Variants in TLL2 observed in about 807,000 individuals in gnomAD.
TLL2 encodes the protein tolloid-like protein 2.
TLL2 carries 106 observed loss-of-function variants against 123.0 expected under a neutral mutation model. The observed-to-expected ratio is 0.86, with a 90% confidence interval of 0.74 to 1.01. TLL2 has a LOEUF of 1.01. Among genes scored for constraint, TLL2 ranks in the 50% least tolerant of loss-of-function variants. TLL2 has a pLI of 0.00. For missense variants in TLL2, 1,332 were observed against 1,336.7 expected (o/e 1.00, Z 0.06); for synonymous variants, 494 against 516.8 (o/e 0.96, Z 0.60).
chr10:96,367,200 G>C lies in TLL2; in HGVS notation c.*888C>G, dbSNP rs888120516. The C allele has an allele frequency of 6.6e-6, 1 of 152,260 alleles. No individual in the cohort carries two copies. Among genetic ancestry groups the C allele is most frequent in the Non-Finnish European group, 1.5e-5 (1 of 68,048 alleles). The allele number at this position is 152,260 out of a possible 1,614,324, so 9.4% of individuals were successfully genotyped here. On this transcript the variant is annotated 3_prime_UTR_variant, in exon 21 of 21. Coordinates refer to ENST00000357947, the MANE Select transcript of TLL2 (RefSeq NM_012465.4). ...TTTGCAAATGCAGTTTGAATTGGAT[G>C]TCAAGGAGTCCAGGTGTGCCACGGC...
chr10:96,447,146 G>A (rs974910320), intron 2 of TLL2, among the ~76,000 whole-genome samples: 2 of 152,192 alleles, frequency 1.3e-5, no homozygotes, highest in African/African-American at 4.8e-5. Flanking sequence ...CTGGCCAGAG[G>A]ATCCTCCGCA....
chr10:96,494,692 C>T (rs1281262900), intron 1 of TLL2, among the ~76,000 whole-genome samples: 2 of 152,220 alleles, frequency 1.3e-5, no homozygotes, highest in African/African-American at 2.4e-5. Flanking sequence ...GGGGAAGAGA[C>T]GAGGTCTGCA....
In TLL2 at chr10:96,428,615, G is replaced by A. The variant is rs761770586; in HGVS notation, c.638+16C>T. 37 of 1,565,464 alleles carry A rather than the reference G, an allele frequency of 2.4e-5. No individual in the cohort carries two copies. The Admixed American group carries it at 3.5e-4, about 15-fold the overall frequency. On this transcript the variant is annotated intron_variant, in intron 5 of 20. Transcript: ENST00000357947. ...CGACTGATTCTGCAGAGGTGGCCTCGCTTTCGTTTACTTACCCACAGGTTC... is the reference window on the plus strand; with the variant it reads ...CGACTGATTCTGCAGAGGTGGCCTCACTTTCGTTTACTTACCCACAGGTTC...
At chr10:96,383,321 G>T (rs1190528479) in intron 16 of TLL2, among the ~76,000 whole-genome samples, 3 of 152,184 alleles carry the variant, frequency 2.0e-5, no homozygotes, top group African/African-American at 7.2e-5. Context: ...ATATGGTTTG[G>T]CAGTGTCCCT....
intron 13 of TLL2, among the ~76,000 whole-genome samples, chr10:96,390,801 C>T (rs1014948296): frequency 2.0e-5 from 3 of 152,202 alleles, no homozygotes; most frequent in Non-Finnish European, 4.4e-5. Context: ...ACGGCAGCCC[C>T]CAGCCACATG....
chr10:96,477,714 A>G (rs1327646335), intron 2 of TLL2, among the ~76,000 whole-genome samples: 1 of 152,234 alleles, frequency 6.6e-6, no homozygotes, highest in Non-Finnish European at 1.5e-5. Flanking sequence ...TGACAGATGA[A>G]GAAACTGAGG....
In TLL2 at chr10:96,367,826, C is replaced by G; in HGVS notation, c.*262G>C. 1 of 398,912 alleles carries G rather than the reference C, an allele frequency of 2.5e-6. No homozygotes were observed. The highest frequency in any genetic ancestry group is 4.6e-6 in the Non-Finnish European group (1 of 217,210). The allele number at this position is 398,912 out of a possible 1,614,324, so 24.7% of individuals were successfully genotyped here. On this transcript the variant is annotated 3_prime_UTR_variant, in exon 21 of 21. Coordinates refer to ENST00000357947, the MANE Select transcript of TLL2 (RefSeq NM_012465.4). ...GAAGCATAGCCGGAATGGTCAGTGA[C>G]TTCAATCCTAATCTTTAACACTTTA...
chr10:96,480,477 A>G lies in TLL2; in HGVS notation c.176-18T>C, dbSNP rs758706963. 5 of 1,589,654 alleles carry G rather than the reference A, an allele frequency of 3.1e-6. No homozygotes were observed. In the Admixed American group the frequency reaches 8.3e-5, roughly 26 times the overall value. On this transcript the variant is annotated intron_variant, in intron 1 of 20. Coordinates refer to ENST00000357947, the MANE Select transcript of TLL2 (RefSeq NM_012465.4). ...AAAGACAGCTGGGAAGGAAACACATAAGTGGGTGAATTTATGCTAGAAGTC... is the reference window on the plus strand; with the variant it reads ...AAAGACAGCTGGGAAGGAAACACATGAGTGGGTGAATTTATGCTAGAAGTC...
At chr10:96,389,376 A>G (rs1276195814) in intron 13 of TLL2, among the ~76,000 whole-genome samples, 1 of 152,224 alleles carries the variant, frequency 6.6e-6, no homozygotes, top group East Asian at 1.9e-4. Flanking sequence ...CAGTGAGTAG[A>G]GAGGCACAAT....
intron 3 of TLL2, among the ~76,000 whole-genome samples, chr10:96,435,024 C>CT (rs148764221): frequency 0.045 from 6,565 of 144,856 alleles, 471 homozygotes; most frequent in African/African-American, 0.15. Flanking sequence ...TATTCATTTC[C>CT]TTTTTTTTTT....
chr10:96,513,445 TG>T lies in TLL2; in HGVS notation c.175+65del, dbSNP rs201949422. 6,062 of 1,599,510 alleles carry T rather than the reference TG, an allele frequency of 3.8e-3. 228 individuals carry two copies. In the African/African-American group the frequency reaches 0.072, roughly 19 times the overall value. ...CGCCCCATAGACGGTAGTGCAGGCT[TG>T]CCCACCACCTCATTTGCATTTCAAA... On this transcript the variant is annotated intron_variant, in intron 1 of 20. Transcript: ENST00000357947.
intron 1 of TLL2, among the ~76,000 whole-genome samples, chr10:96,489,178 A>T (rs7072595): frequency 0.34 from 52,154 of 152,088 alleles, 9,275 homozygotes; most frequent in Middle Eastern, 0.5. Context: ...GCAGGAGAGA[A>T]ACCAGGAGTT....
At chr10:96,429,683 A>T (rs914734757) in intron 4 of TLL2, among the ~76,000 whole-genome samples, 2 of 152,138 alleles carry the variant, frequency 1.3e-5, no homozygotes, top group African/African-American at 2.4e-5. Flanking sequence ...TTTCTTTTAG[A>T]CCTGTAGGGG....
chr10:96,492,253 T>G (rs1196654045), intron 1 of TLL2, among the ~76,000 whole-genome samples: 8 of 143,212 alleles, frequency 5.6e-5, no homozygotes, highest in East Asian at 2.0e-4. Context: ...ATGAGGGAGG[T>G]AGGAATTGGC....
intron 15 of TLL2, among the ~76,000 whole-genome samples, 190 bp downstream of exon 15, chr10:96,385,865 A>C (rs1250375602): frequency 6.6e-6 from 1 of 152,130 alleles, no homozygotes. Context: ...GAGGTGCTCT[A>C]TCTGCAGAGG....
Position 96,378,998 on chromosome 10 carries a change from C to G in TLL2, c.2289G>C (p.Trp763Cys), listed in dbSNP as rs762167577. The change falls in exon 17 of 21, where the codon TGG becomes TGC. Residue 763 changes from tryptophan to cysteine, a missense_variant. Transcript: ENST00000357947. ...SYLCRCRNGY[W>C]LHENGHDCKE... Reference sequence around the variant, plus strand: ...TGCAGTCATGCCCATTCTCGTGGAGCCAGTAGCCGTTTCTGCACCTGCACA... The same window carrying G: ...TGCAGTCATGCCCATTCTCGTGGAGGCAGTAGCCGTTTCTGCACCTGCACA... 1.2e-6 allele frequency: 2 copies of G among 1,614,218 alleles called. No individual in the cohort carries two copies. Among genetic ancestry groups the G allele is most frequent in the East Asian group, 4.5e-5 (2 of 44,890 alleles).
rs950181083 is a variant in TLL2 at position 96,384,657 on chromosome 10, G to T, written c.2124C>A (p.Asn708Lys). 6.2e-7 allele frequency: 1 copy of T among 1,612,946 alleles called. No homozygotes were observed. Among genetic ancestry groups the T allele is most frequent in the African/African-American group, 1.3e-5 (1 of 75,012 alleles). The change falls in exon 16 of 21, where the codon AAC becomes AAA. Residue 708 changes from asparagine to lysine, a missense_variant. Coordinates refer to ENST00000357947, the MANE Select transcript of TLL2 (RefSeq NM_012465.4). ...ETPEVITSQS[N>K]NMRVEFKSDN... ...CGGACTTGAACTCCACGCGCATGTT[G>T]TTGCTCTGCGAGGTGATGACCTCCG...
intron 2 of TLL2, among the ~76,000 whole-genome samples, chr10:96,471,578 G>T (rs1479614646): frequency 6.6e-6 from 1 of 152,198 alleles, no homozygotes; most frequent in Non-Finnish European, 1.5e-5. Flanking sequence ...ATTATTTTTG[G>T]TGTCAGACGC....
At position 96,426,077 on chromosome 10, in the gene TLL2, C is replaced by CTT. The variant is rs1385011760; in HGVS notation, c.638+2552_638+2553dup. Among the ~76,000 whole-genome samples the CTT allele has an allele frequency of 3.3e-5, 5 of 151,950 alleles. No individual in the cohort carries two copies. In the East Asian group the frequency reaches 9.6e-4, roughly 29 times the overall value. ...ATCTATTTCTGTGCTACCTTGGTTACTTTTTTAAAACAAAAACTGCATGTT... is the reference window on the plus strand; with the variant it reads ...ATCTATTTCTGTGCTACCTTGGTTACTTTTTTTTAAAACAAAAACTGCATGTT... On this transcript the variant is annotated intron_variant, in intron 5 of 20. Transcript: ENST00000357947.
Sources: gnomAD v4.1 joint callset for allele counts (sites outside exome capture counted in the v4.1 genomes callset) on GRCh38, gnomAD v4.1.1 for gene constraint, MANE v1.5 for transcripts, NCBI Gene and HGNC (gene_info 2026-07-23, HGNC 2026-07-21) for gene names.